DRD2: variants seen among roughly 807,000 people sequenced by gnomAD.
DRD2 encodes the protein dopamine receptor D2.
Under a neutral mutation model 38.0 loss-of-function variants are expected in DRD2, and 8 were observed. The ratio of observed to expected loss-of-function variants is 0.21; its 90% CI spans 0.12 to 0.38. The LOEUF is 0.38. DRD2 is among the 10% of genes least tolerant of loss of function. The pLI is 1.00. For missense variants in DRD2, 403 were observed against 607.7 expected, an observed-to-expected ratio of 0.66 and a Z score of 3.54; for synonymous variants, 230 against 238.6, an observed-to-expected ratio of 0.96 and a Z score of 0.33.
intron 1 of DRD2, among the ~76,000 whole-genome samples, chr11:113,432,858 T>C (rs1202670835): frequency 1.3e-5 from 2 of 152,074 alleles, no homozygotes; most frequent in African/African-American, 4.8e-5. Context: ...GGAGGAAAGG[T>C]GGTGCGCCCG....
At chr11:113,423,719 G>C (rs1565664026) in intron 2 of DRD2, among the ~76,000 whole-genome samples, 1 of 152,210 alleles carries the variant, frequency 6.6e-6, no homozygotes, top group South Asian at 2.1e-4. Flanking sequence ...GCTGGGCCAA[G>C]AAATGAGTGA....
intron 1 of DRD2, among the ~76,000 whole-genome samples, chr11:113,444,030 G>T (rs1047050290): frequency 4.6e-5 from 7 of 152,062 alleles, no homozygotes; most frequent in Non-Finnish European, 1.0e-4. Context: ...ATTTGTTTTT[G>T]TTGTTGTTGT....
chr11:113,417,076 C>A, intron 3 of DRD2, 77 bp from the exon 4 acceptor site: 1 of 1,562,832 alleles, frequency 6.4e-7, no homozygotes. Context: ...ACACCAGAGA[C>A]ACCCTCACTC....
chr11:113,458,025 C>G (rs996872748), intron 1 of DRD2, among the ~76,000 whole-genome samples: 2 of 152,232 alleles, frequency 1.3e-5, no homozygotes, highest in Non-Finnish European at 2.9e-5. Context: ...GGAAGCCAGA[C>G]TGTTGAAAAG....
Position 113,415,409 on chromosome 11 carries a change from G to A in DRD2, c.723+12C>T, listed in dbSNP as rs112204362. Reference sequence around the variant, plus strand: ...GGGGACCCTTGGAGTTGGTTGGGGGGTGTCTTGAGACCTTTAGTGGAGCCC... The same window carrying A: ...GGGGACCCTTGGAGTTGGTTGGGGGATGTCTTGAGACCTTTAGTGGAGCCC... On this transcript the variant is annotated intron_variant, in intron 5 of 7. Coordinates refer to ENST00000362072, the MANE Select transcript of DRD2 (RefSeq NM_000795.4). 9 of 1,606,438 alleles carry A rather than the reference G, an allele frequency of 5.6e-6. No homozygotes were observed. The African/African-American group carries it at 8.0e-5, about 14-fold the overall frequency.
chr11:113,467,489 C>A (rs745806405), intron 1 of DRD2, among the ~76,000 whole-genome samples: 3 of 152,228 alleles, frequency 2.0e-5, no homozygotes, highest in Non-Finnish European at 2.9e-5. Flanking sequence ...AGCTGCAGAA[C>A]ACATATTTCT....
intron 1 of DRD2, among the ~76,000 whole-genome samples, chr11:113,429,376 C>A (rs1332378737): frequency 1.3e-5 from 2 of 152,116 alleles, no homozygotes; most frequent in Non-Finnish European, 2.9e-5. Flanking sequence ...TCCCGAGTAG[C>A]CAGGACTACA....
At chr11:113,419,477 C>CA (rs1320105178) in intron 2 of DRD2, among the ~76,000 whole-genome samples, 1 of 114,788 alleles carries the variant, frequency 8.7e-6, no homozygotes, top group East Asian at 2.4e-4. Context: ...CACACATGAA[C>CA]GCACCGCCCT....
At chr11:113,453,662 G>A (rs561611262) in intron 1 of DRD2, among the ~76,000 whole-genome samples, 1 of 152,338 alleles carries the variant, frequency 6.6e-6, no homozygotes, top group African/African-American at 2.4e-5. Context: ...AGACCACAGT[G>A]CAGGGAGAGA....
chr11:113,444,729 G>A (rs1187044913), intron 1 of DRD2, among the ~76,000 whole-genome samples: 2 of 152,158 alleles, frequency 1.3e-5, no homozygotes, highest in African/African-American at 4.8e-5. Flanking sequence ...TGCTGATTAG[G>A]GACTAAGGGT....
chr11:113,456,564 AT>A (rs925769376), intron 1 of DRD2, among the ~76,000 whole-genome samples: 3 of 152,092 alleles, frequency 2.0e-5, no homozygotes, highest in Non-Finnish European at 4.4e-5. Flanking sequence ...TAAAAATACA[AT>A]TTTTTTTAAA....
chr11:113,467,551 G>A (rs574417592), intron 1 of DRD2, among the ~76,000 whole-genome samples: 24 of 152,078 alleles, frequency 1.6e-4, no homozygotes, highest in Non-Finnish European at 2.4e-4. Context: ...TTCAATCTGG[G>A]AAAAGAAAAA....
At chr11:113,413,656 TGAAG>T (rs1311054013) in intron 6 of DRD2, among the ~76,000 whole-genome samples, 1 of 152,170 alleles carries the variant, frequency 6.6e-6, no homozygotes, top group Non-Finnish European at 1.5e-5. Context: ...GCAGTGCAGG[TGAAG>T]GCAGGACACC....
intron 1 of DRD2, among the ~76,000 whole-genome samples, chr11:113,455,133 G>A (rs1343385686): frequency 1.3e-5 from 2 of 152,120 alleles, no homozygotes; most frequent in Admixed American, 1.3e-4. Context: ...TGGATCACGA[G>A]GTCAGGAGTT....
intron 1 of DRD2, among the ~76,000 whole-genome samples, chr11:113,442,524 T>A (rs1951104388): frequency 6.6e-6 from 1 of 152,022 alleles, no homozygotes; most frequent in South Asian, 2.1e-4. Context: ...TTGAGCAAAG[T>A]GTTGATTTTC....
intron 1 of DRD2, chr11:113,474,549 A>C (rs944276542): frequency 3.9e-5 from 6 of 152,276 alleles, no homozygotes; most frequent in African/African-American, 1.4e-4. Flanking sequence ...TCCAGCCAGA[A>C]TCTGCCTCTC....
At chr11:113,465,465 G>A (rs1951359963) in intron 1 of DRD2, among the ~76,000 whole-genome samples, 1 of 151,400 alleles carries the variant, frequency 6.6e-6, no homozygotes, top group African/African-American at 2.4e-5. Context: ...TTGAATCACT[G>A]GAGTTGTCCC....
chr11:113,412,778 T>C lies in DRD2; in HGVS notation c.916A>G (p.Thr306Ala). ...SPIPPSHHQL[T>A]LPDPSHHGLH... is the part of the protein sequence containing the mutation. ...CCATGGTGGGACGGGTCGGGGAGAG[T>C]CAGCTGGTGGTGGCTGGGTGGGATG... Residue 306 changes from threonine (T) to alanine (A), a missense_variant, in exon 7 of 8, where the codon ACT becomes GCT. Thr to Ala is a moderately conservative substitution (Grantham distance 58). Coordinates refer to ENST00000362072, the MANE Select transcript of DRD2 (RefSeq NM_000795.4). 1 of 1,612,380 alleles carries C rather than the reference T, an allele frequency of 6.2e-7. No individual in the cohort carries two copies. The highest frequency in any genetic ancestry group is 1.1e-5 in the South Asian group (1 of 90,936).
chr11:113,469,498 T>G (rs982540749), intron 1 of DRD2, among the ~76,000 whole-genome samples: 1 of 152,200 alleles, frequency 6.6e-6, no homozygotes. Flanking sequence ...CAGTCTGGTT[T>G]TGAATCTTTG....
Sources: allele counts gnomAD v4.1 joint callset (sites outside exome capture counted in the v4.1 genomes callset), GRCh38; gene constraint gnomAD v4.1.1; transcripts MANE v1.5; gene names NCBI Gene and HGNC (gene_info 2026-07-23, HGNC 2026-07-21).